Variants in CD5 observed in about 807,000 individuals in gnomAD.
The protein encoded by CD5 is CD5 molecule, also known as T-cell surface glycoprotein CD5.
In CD5, 36 loss-of-function variants were observed where a neutral mutation model predicts 60.3. The observed-to-expected ratio is 0.60, with a 90% CI of 0.46 to 0.79. The LOEUF is 0.79. Ranked by LOEUF, CD5 falls within the 30% of genes least tolerant of loss-of-function variation. CD5 has a pLI of 0.00. For missense variants in CD5, 540 were observed against 630.6 expected (o/e 0.86, Z 1.54); for synonymous variants, 230 against 257.6 (o/e 0.89, Z 1.03).
chr11:61,116,144 C>A (rs1430788981), intron 2 of CD5, among the ~76,000 whole-genome samples: 1 of 152,074 alleles, frequency 6.6e-6, no homozygotes, highest in Non-Finnish European at 1.5e-5. Context: ...AAACCTCCCC[C>A]TCAGAATCAC....
At chr11:61,101,248 ACAT>A (rs1350311697), upstream of CD5, among the ~76,000 whole-genome samples, 1 of 112,084 alleles carries the variant, frequency 8.9e-6, no homozygotes, top group Non-Finnish European at 1.8e-5. Context: ...ACATTCACAC[ACAT>A]CAACATGGAG....
In CD5 at chr11:61,103,136, C is replaced by A. The variant is rs537018383; in HGVS notation, c.55+521C>A. Among the ~76,000 whole-genome samples the A allele has an allele frequency of 1.0e-3, 153 of 152,300 alleles. 2 individuals are homozygous for A. Among genetic ancestry groups the A allele is most frequent in the African/African-American group, 3.6e-3 (148 of 41,558 alleles). On this transcript the variant is annotated intron_variant, in intron 1 of 10. Coordinates refer to ENST00000347785, the MANE Select transcript of CD5 (RefSeq NM_014207.4). ...CTGAGCAAATGTCAAGGACTCATAG[C>A]GGAAGTCCTAGGCCCTCTCATGCCC...
At chr11:61,107,928 C>T (rs1860799709) in intron 1 of CD5, among the ~76,000 whole-genome samples, 1 of 152,142 alleles carries the variant, frequency 6.6e-6, no homozygotes, top group African/African-American at 2.4e-5. Flanking sequence ...CCCAGTTTCC[C>T]CCATCTGTAC....
chr11:61,115,105 G>A lies in CD5; in HGVS notation c.94+11G>A. On this transcript the variant is annotated intron_variant, in intron 2 of 10. Transcript: ENST00000347785. ...GCTGGTATGACCCAGGTAAGGAAGAGCCACATGGAGAAAGGCCTGGGGCAG... is the reference window on the plus strand; with the variant it reads ...GCTGGTATGACCCAGGTAAGGAAGAACCACATGGAGAAAGGCCTGGGGCAG... 1 of 1,553,986 alleles carries A rather than the reference G, an allele frequency of 6.4e-7. No homozygotes were observed. The highest frequency in any genetic ancestry group is 8.7e-7 in the Non-Finnish European group (1 of 1,148,054).
At chr11:61,107,782 C>G (rs1011723760) in intron 1 of CD5, among the ~76,000 whole-genome samples, 3 of 152,192 alleles carry the variant, frequency 2.0e-5, no homozygotes, top group Non-Finnish European at 4.4e-5. Flanking sequence ...GACCCTAATA[C>G]TCCTCTCCGG....
intron 1 of CD5, among the ~76,000 whole-genome samples, chr11:61,110,941 G>A (rs541929673): frequency 1.6e-3 from 246 of 152,252 alleles, no homozygotes; most frequent in African/African-American, 5.5e-3. Flanking sequence ...GAGAGGAGAG[G>A]AACTGCTGCT....
At chr11:61,099,963 AC>A (rs1317269611), upstream of CD5, among the ~76,000 whole-genome samples, 1 of 151,194 alleles carries the variant, frequency 6.6e-6, no homozygotes, top group African/African-American at 2.4e-5. Context: ...ACACTCGTCA[AC>A]ATGGAGATCA....
chr11:61,122,427 G>A (rs865948854), intron 6 of CD5, among the ~76,000 whole-genome samples: 1 of 144,716 alleles, frequency 6.9e-6, no homozygotes, highest in Non-Finnish European at 1.5e-5. Flanking sequence ...GGATCAGTGG[G>A]TGGGTGGATG....
intron 9 of CD5, among the ~76,000 whole-genome samples, chr11:61,125,362 T>C (rs574866515): frequency 2.0e-5 from 3 of 152,316 alleles, no homozygotes; most frequent in East Asian, 3.9e-4. Context: ...GACCACAAAC[T>C]ACTCATCTGG....
intron 2 of CD5, among the ~76,000 whole-genome samples, chr11:61,116,545 ACACACAC>A (rs1178897256): frequency 7.8e-4 from 75 of 95,832 alleles, no homozygotes; most frequent in South Asian, 1.7e-3. Flanking sequence ...CACACCACAC[ACACACAC>A]CACACACACC....
In CD5 at chr11:61,127,847, G is replaced by A. The variant is rs972959783; in HGVS notation, c.*1562G>A. On this transcript the variant is annotated 3_prime_UTR_variant, in exon 11 of 11. Transcript: ENST00000347785. ...ACCAAAAATAAAGAGTTTAGTTGAG[G>A]AGAAATGAGCCTTTAGAAAACTGTT... 1.3e-5 allele frequency: 2 copies of A among 152,232 alleles called. No homozygotes were observed. Among genetic ancestry groups the A allele is most frequent in the African/African-American group, 2.4e-5 (1 of 41,458 alleles). 9.4% of individuals were successfully genotyped at this position (152,232 alleles called of 1,614,324 possible). A position where few individuals can be genotyped will look rare whatever the true frequency, so the allele number is the denominator to read the frequency against.
intron 1 of CD5, among the ~76,000 whole-genome samples, chr11:61,109,585 G>A (rs939319083): frequency 6.6e-6 from 1 of 152,054 alleles, no homozygotes; most frequent in Admixed American, 6.5e-5. Context: ...CTCATGGGAT[G>A]CCGTAATGAG....
intron 1 of CD5, among the ~76,000 whole-genome samples, chr11:61,105,896 GGGTGGATCACCTGA>G (rs780857808): frequency 7.9e-5 from 12 of 152,078 alleles, no homozygotes; most frequent in Non-Finnish European, 1.8e-4. Flanking sequence ...AGGCCAAGAC[GGGTGGATCACCTGA>G]GGTCAGAAGT....
At position 61,118,825 on chromosome 11, in the gene CD5, C is replaced by A; in HGVS notation, c.401-90C>A. On this transcript the variant is annotated intron_variant, in intron 3 of 10. Coordinates refer to ENST00000347785, the MANE Select transcript of CD5 (RefSeq NM_014207.4). The surrounding 1 kb of genome is among the most constrained non-coding windows in gnomAD (Gnocchi z 4.7). ...CCTGGTGTGCCAAGCGGCACTCATGCCAGGAGCTCCTGGTCCTCTCAAGGC... is the reference window on the plus strand; with the variant it reads ...CCTGGTGTGCCAAGCGGCACTCATGACAGGAGCTCCTGGTCCTCTCAAGGC... 1.1e-6 allele frequency: 1 copy of A among 891,598 alleles called. No homozygotes were observed. Among genetic ancestry groups the A allele is most frequent in the Non-Finnish European group, 1.8e-6 (1 of 551,192 alleles). The allele number at this position is 891,598 out of a possible 1,614,324, so 55.2% of individuals were successfully genotyped here.
At chr11:61,119,610 C>G (rs755572990) in intron 5 of CD5, 35 bp downstream of exon 5, 3 of 1,491,358 alleles carry the variant, frequency 2.0e-6, no homozygotes, top group Non-Finnish European at 2.8e-6. Flanking sequence ...ATGACACCTT[C>G]TGCTGCCCTA....
chr11:61,102,797 C>T (rs1308441295), intron 1 of CD5, among the ~76,000 whole-genome samples, 182 bp downstream of exon 1: 1 of 152,190 alleles, frequency 6.6e-6, no homozygotes, highest in Non-Finnish European at 1.5e-5. Flanking sequence ...GCCCTCTGTC[C>T]TGCATGTCCC....
At chr11:61,103,987 G>C (rs1860742125) in intron 1 of CD5, among the ~76,000 whole-genome samples, 1 of 147,984 alleles carries the variant, frequency 6.8e-6, no homozygotes, top group African/African-American at 2.5e-5. Context: ...GAAAGTGTGA[G>C]TCTGTGCGTG....
At chr11:61,122,853 A>C (rs1372646339) in intron 6 of CD5, 54 bp from the exon 7 acceptor site, 5 of 1,538,372 alleles carry the variant, frequency 3.3e-6, no homozygotes, top group Non-Finnish European at 4.4e-6. Flanking sequence ...CTTCCCTCCC[A>C]CAGTTTTTCT....
intron 6 of CD5, among the ~76,000 whole-genome samples, chr11:61,122,544 T>A (rs147789412): frequency 7.2e-5 from 11 of 152,242 alleles, no homozygotes; most frequent in Non-Finnish European, 1.5e-4. Context: ...GATGGATGGA[T>A]CAAGAATAGA....
Sources: allele counts gnomAD v4.1 joint callset (sites outside exome capture counted in the v4.1 genomes callset), GRCh38; gene constraint gnomAD v4.1.1; non-coding constraint Gnocchi (gnomAD v3.1); transcripts MANE v1.5; gene names NCBI Gene and HGNC (gene_info 2026-07-23, HGNC 2026-07-21).